The following MAML3 variants were observed in gnomAD, a reference collection of about 807,000 sequenced individuals.
The protein encoded by MAML3 is mastermind-like protein 3.
Under a neutral mutation model 101.9 loss-of-function variants are expected in MAML3, and 27 were observed. The ratio of observed to expected loss-of-function variants is 0.27; its 90% CI spans 0.20 to 0.37. The LOEUF is 0.37. MAML3 is among the 10% of genes least tolerant of loss of function. MAML3 has a pLI of 1.00. For missense variants in MAML3, 1,316 were observed against 1,444.9 expected (o/e 0.91, Z 1.45); for synonymous variants, 501 against 555.9 (o/e 0.90, Z 1.39).
intron 1 of MAML3, among the ~76,000 whole-genome samples, chr4:140,010,781 A>G (rs1389632121): frequency 6.6e-6 from 1 of 152,168 alleles, no homozygotes; most frequent in Non-Finnish European, 1.5e-5. Flanking sequence ...GAATTAAGGG[A>G]AATGAATGAC....
At chr4:139,841,588 T>A (rs1287299526) in intron 2 of MAML3, among the ~76,000 whole-genome samples, 10 of 152,188 alleles carry the variant, frequency 6.6e-5, no homozygotes, top group Admixed American at 6.5e-4. Flanking sequence ...TGCAGCAGTG[T>A]GTCAATGTAA....
intron 1 of MAML3, among the ~76,000 whole-genome samples, chr4:139,932,574 G>C (rs1438464333): frequency 3.3e-5 from 5 of 152,182 alleles, no homozygotes; most frequent in African/African-American, 1.2e-4. Context: ...CCCCCTTACA[G>C]ATCATTTATC....
chr4:139,758,570 T>C (rs1262191667), intron 2 of MAML3, among the ~76,000 whole-genome samples: 1 of 152,222 alleles, frequency 6.6e-6, no homozygotes, highest in Non-Finnish European at 1.5e-5. Context: ...GGCCAAGCTC[T>C]TGACATGAGA....
intron 2 of MAML3, among the ~76,000 whole-genome samples, chr4:139,810,227 C>T (rs527632597): frequency 1.5e-5 from 2 of 130,836 alleles, no homozygotes; most frequent in Admixed American, 1.7e-4. Context: ...GGATCTGGCT[C>T]TGTCACCCAG....
chr4:139,885,703 C>T (rs1198259700), intron 2 of MAML3, among the ~76,000 whole-genome samples: 2 of 148,418 alleles, frequency 1.3e-5, no homozygotes, highest in African/African-American at 5.0e-5. Context: ...GCGGGCGGAT[C>T]ACGAGGTCAG....
intron 2 of MAML3, among the ~76,000 whole-genome samples, chr4:139,737,441 G>T (rs1389168093): frequency 6.6e-6 from 1 of 151,948 alleles, no homozygotes. Flanking sequence ...CCACCCAGGA[G>T]GATGTTGGAA....
chr4:140,116,860 A>AT lies in MAML3; in HGVS notation c.468+35999dup, dbSNP rs200423972. On this transcript the variant is annotated intron_variant, in intron 1 of 4. Transcript: ENST00000509479. ...GTTTCCATCTCCCTTCACAGATGAGATTTTTTTAAAAGCATAGGGCACTTT... is the reference window on the plus strand; with the variant it reads ...GTTTCCATCTCCCTTCACAGATGAGATTTTTTTTAAAAGCATAGGGCACTTT... Among the ~76,000 whole-genome samples, 1,426 of 152,272 alleles carry AT rather than the reference A, an allele frequency of 9.4e-3. 25 individuals carry two copies. Among genetic ancestry groups the AT allele is most frequent in the African/African-American group, 0.028 (1,162 of 41,556 alleles).
chr4:139,732,201 T>C (rs1332416595), intron 2 of MAML3, among the ~76,000 whole-genome samples: 1 of 152,248 alleles, frequency 6.6e-6, no homozygotes, highest in Non-Finnish European at 1.5e-5. Flanking sequence ...GCCTTTCCAA[T>C]GCAGATACCG....
chr4:139,823,901 A>T (rs562006713), intron 2 of MAML3, among the ~76,000 whole-genome samples: 1 of 151,522 alleles, frequency 6.6e-6, no homozygotes, highest in Non-Finnish European at 1.5e-5. Context: ...TAGTTAAGCA[A>T]TTGATAGGTC....
chr4:139,958,231 T>C (rs1733946378), intron 1 of MAML3, among the ~76,000 whole-genome samples: 1 of 152,232 alleles, frequency 6.6e-6, no homozygotes, highest in African/African-American at 2.4e-5. Context: ...GGGTGTTTCA[T>C]GTGGACCATC....
intron 1 of MAML3, among the ~76,000 whole-genome samples, chr4:140,013,460 A>G (rs958542828): frequency 6.6e-5 from 10 of 152,176 alleles, no homozygotes; most frequent in Non-Finnish European, 1.2e-4. Context: ...CTGTTACCGC[A>G]AATCCTATGT....
At chr4:139,792,978 C>T (rs1309356385) in intron 2 of MAML3, among the ~76,000 whole-genome samples, 5 of 152,062 alleles carry the variant, frequency 3.3e-5, no homozygotes, top group Non-Finnish European at 7.4e-5. Context: ...GATCTCCTGA[C>T]CTTGTGATCC....
At chr4:139,892,690 C>T (rs1002104144) in intron 1 of MAML3, among the ~76,000 whole-genome samples, 1 of 151,796 alleles carries the variant, frequency 6.6e-6, no homozygotes, top group African/African-American at 2.4e-5. Flanking sequence ...CAAATCGGGG[C>T]CGGGAGCGGT....
At chr4:140,045,518 A>G (rs925070845) in intron 1 of MAML3, among the ~76,000 whole-genome samples, 1 of 152,026 alleles carries the variant, frequency 6.6e-6, no homozygotes, top group African/African-American at 2.4e-5. Flanking sequence ...ATATTCTTCT[A>G]AAGTGTAATT....
rs76827672 is a variant in MAML3, at chr4:139,830,410, A to T, written c.2079+58947T>A. Among the ~76,000 whole-genome samples the T allele has an allele frequency of 5.6e-3, 675 of 121,244 alleles. 2 individuals carry two copies. Among genetic ancestry groups the T allele is most frequent in the African/African-American group, 0.024 (631 of 25,914 alleles). The allele number at this position is 121,244 out of a possible 152,430, so 79.5% of individuals were successfully genotyped here. On this transcript the variant is annotated intron_variant, in intron 2 of 4. Coordinates refer to ENST00000509479, the MANE Select transcript of MAML3 (RefSeq NM_018717.5). ...AATAAATACTTTTGCACGCTGTGCTATTTTTTTTTTTTTTTTTTTTTTGAG... is the reference window on the plus strand; with the variant it reads ...AATAAATACTTTTGCACGCTGTGCTTTTTTTTTTTTTTTTTTTTTTTTGAG...
At chr4:139,834,213 TCA>T (rs1220472413) in intron 2 of MAML3, among the ~76,000 whole-genome samples, 1 of 152,248 alleles carries the variant, frequency 6.6e-6, no homozygotes, top group Non-Finnish European at 1.5e-5. Context: ...GCTAGAGGAC[TCA>T]CACACTTCTG....
intron 1 of MAML3, among the ~76,000 whole-genome samples, chr4:140,068,900 G>C (rs775103866): frequency 9.9e-5 from 15 of 152,144 alleles, no homozygotes; most frequent in Non-Finnish European, 1.5e-4. Context: ...CCCTCGCTTT[G>C]TCTGGTTTCT....
In MAML3 at chr4:140,030,161, C is replaced by A. The variant is rs141268663; in HGVS notation, c.468+122699G>T. ...CCTTCAGTTCTGGTGCTGATGCGGTCCCTGGTTCATTTCCCTCCTCCCCTC... is the reference window on the plus strand; with the variant it reads ...CCTTCAGTTCTGGTGCTGATGCGGTACCTGGTTCATTTCCCTCCTCCCCTC... On this transcript the variant is annotated intron_variant, in intron 1 of 4. Transcript: ENST00000509479. 9.3e-3 allele frequency among the ~76,000 whole-genome samples: 1,422 copies of A among 152,262 alleles called. 24 individuals carry two copies. Among genetic ancestry groups the A allele is most frequent in the African/African-American group, 0.034 (1,398 of 41,532 alleles).
chr4:140,117,249 T>C (rs1377949201), intron 1 of MAML3, among the ~76,000 whole-genome samples: 2 of 152,184 alleles, frequency 1.3e-5, no homozygotes, highest in South Asian at 2.1e-4. Context: ...TTCCTAATTA[T>C]ATTGATCCAA....
Sources: allele counts gnomAD v4.1 joint callset (sites outside exome capture counted in the v4.1 genomes callset), GRCh38; gene constraint gnomAD v4.1.1; transcripts MANE v1.5; gene names NCBI Gene and HGNC (gene_info 2026-07-23, HGNC 2026-07-21).